Variants in NINL observed in about 807,000 individuals in gnomAD.
The protein encoded by NINL is ninein like.
Under a neutral mutation model 160.3 loss-of-function variants are expected in NINL, and 153 were observed. The ratio of observed to expected loss-of-function variants is 0.95; its 90% CI spans 0.84 to 1.09. The LOEUF (loss-of-function observed/expected upper bound fraction) is 1.09, where lower values mean the gene tolerates loss of function less well. Ranked by LOEUF, NINL falls within the 50% of genes least tolerant of loss-of-function variation. The pLI, the probability that NINL is intolerant of heterozygous loss-of-function variation, is 0.00. For synonymous variants in NINL, 800 were observed against 734.8 expected, an observed-to-expected ratio of 1.09 and a Z score of -1.43; for missense variants, 1,829 against 1,764.0, an observed-to-expected ratio of 1.04 and a Z score of -0.66.
At chr20:25,529,535 G>T (rs1227626747) in intron 1 of NINL, among the ~76,000 whole-genome samples, 1 of 152,180 alleles carries the variant, frequency 6.6e-6, no homozygotes, top group African/African-American at 2.4e-5. Context: ...TTCAGACAGG[G>T]CGAAGACGAG....
intron 14 of NINL, chr20:25,481,743 C>T (rs1204311283): frequency 3.2e-6 from 2 of 624,262 alleles, no homozygotes; most frequent in Non-Finnish European, 5.5e-6. Context: ...GGGCTGCCCA[C>T]CTTCAGCGTC....
chr20:25,577,266 G>A (rs1213778650), intron 1 of NINL, among the ~76,000 whole-genome samples: 1 of 152,164 alleles, frequency 6.6e-6, no homozygotes, highest in African/African-American at 2.4e-5. Flanking sequence ...TTTACTCACT[G>A]GTCCACATGG....
At position 25,503,962 on chromosome 20, in the gene NINL, G is replaced by C. The variant is rs1429482807; in HGVS notation, c.851C>G (p.Ser284Cys). The C allele has an allele frequency of 1.9e-6, 3 of 1,614,040 alleles. No homozygotes were observed. Among genetic ancestry groups the C allele is most frequent in the East Asian group, 2.2e-5 (1 of 44,900 alleles). ...STRVKPSKAWSHYQVPEESGC... is the reference protein window; with the variant it reads ...STRVKPSKAWCHYQVPEESGC... ...ACTGTTGCATTTTACCTGGTAATGA[G>C]ACCAAGCCTTGCTCGGTTTAACCCG... Residue 284 changes from serine to cysteine, a missense_variant, in exon 7 of 24, where the codon TCT becomes TGT. Coordinates refer to ENST00000278886, the MANE Select transcript of NINL (RefSeq NM_025176.6).
At position 25,476,603 on chromosome 20, in the gene NINL, G is replaced by A. The variant is rs747510696; in HGVS notation, c.2688C>T (p.Ala896=). ...EATQSPAPAP[A]PASHGPSERW... ...TCTCTGAGGGGCCGTGGGATGCCGG[G>A]GCAGGGGCGGGGGCCGGGCTCTGCG... Residue 896 remains alanine (A), a synonymous_variant, in exon 17 of 24, where the codon GCC becomes GCT. Transcript: ENST00000278886. 3 of 1,597,258 alleles carry A rather than the reference G, an allele frequency of 1.9e-6. No homozygotes were observed. The highest frequency in any genetic ancestry group is 2.2e-5 in the East Asian group (1 of 44,766).
chr20:25,537,970 T>C lies in NINL; in HGVS notation c.-11-11372A>G, dbSNP rs187443655. Among the ~76,000 whole-genome samples, 5 of 152,268 alleles carry C rather than the reference T, an allele frequency of 3.3e-5. No homozygotes were observed. The East Asian group carries it at 9.7e-4, about 29-fold the overall frequency. On this transcript the variant is annotated intron_variant, in intron 1 of 23. Coordinates refer to ENST00000278886, the MANE Select transcript of NINL (RefSeq NM_025176.6). ...CCCGCTTTCTCAGGGACCCAGCCTC[T>C]ACCCACCCCAGCGGTATCCACGGGA...
intron 17 of NINL, among the ~76,000 whole-genome samples, chr20:25,475,389 A>G (rs1286441178): frequency 6.6e-6 from 1 of 152,224 alleles, no homozygotes; most frequent in East Asian, 1.9e-4. Context: ...AGAAGGGAAC[A>G]CTTCCAAACT....
At chr20:25,549,618 A>G (rs372244165) in intron 1 of NINL, among the ~76,000 whole-genome samples, 110 of 152,348 alleles carry the variant, frequency 7.2e-4, no homozygotes, top group African/African-American at 2.3e-3. Flanking sequence ...TCCAAACAAA[A>G]GCTGGCAGCT....
At chr20:25,525,723 A>G (rs1164637118) in intron 2 of NINL, among the ~76,000 whole-genome samples, 4 of 152,190 alleles carry the variant, frequency 2.6e-5, no homozygotes, top group East Asian at 1.9e-4. Flanking sequence ...AAGATGACCA[A>G]CAAGATAAGG....
At chr20:25,535,982 T>C (rs937847427) in intron 1 of NINL, among the ~76,000 whole-genome samples, 2 of 152,090 alleles carry the variant, frequency 1.3e-5, no homozygotes, top group Non-Finnish European at 2.9e-5. Context: ...AGCACACCCT[T>C]GTGAACTTCA....
At chr20:25,550,145 C>G (rs117932602) in intron 1 of NINL, among the ~76,000 whole-genome samples, 1,860 of 152,322 alleles carry the variant, frequency 0.012, 16 homozygotes, top group Middle Eastern at 0.02. Context: ...CTTTGGGAAG[C>G]TGCTGTAGGA....
chr20:25,585,505 A>G lies in NINL; in HGVS notation c.-62T>C, dbSNP rs994162033. 6.6e-6 allele frequency: 1 copy of G among 151,934 alleles called. No individual in the cohort carries two copies. The highest frequency in any genetic ancestry group is 1.5e-5 in the Non-Finnish European group (1 of 67,968). The allele number at this position is 151,934 out of a possible 1,614,324, so 9.4% of individuals were successfully genotyped here. On this transcript the variant is annotated 5_prime_UTR_variant, in exon 1 of 24. Coordinates refer to ENST00000278886, the MANE Select transcript of NINL (RefSeq NM_025176.6). ...CGCGCGGGGCCAGGAGCGCGGCACCACCCCCGTACCGCCGGCCGCTCTTTG... is the reference window on the plus strand; with the variant it reads ...CGCGCGGGGCCAGGAGCGCGGCACCGCCCCCGTACCGCCGGCCGCTCTTTG...
chr20:25,497,245 C>T (rs1157274416), intron 9 of NINL, among the ~76,000 whole-genome samples: 1 of 152,254 alleles, frequency 6.6e-6, no homozygotes, highest in Non-Finnish European at 1.5e-5. Flanking sequence ...CTAGTGAGCA[C>T]ACAGTGAGTC....
At chr20:25,560,687 A>C (rs1011364346) in intron 1 of NINL, among the ~76,000 whole-genome samples, 28 of 152,146 alleles carry the variant, frequency 1.8e-4, no homozygotes, top group African/African-American at 6.8e-4. Flanking sequence ...TCTCTCATGG[A>C]GTTTAATGTC....
At chr20:25,485,594 A>G (rs867380178) in intron 13 of NINL, among the ~76,000 whole-genome samples, 15 of 152,314 alleles carry the variant, frequency 9.8e-5, no homozygotes, top group Middle Eastern at 3.4e-3. Flanking sequence ...TTATGTATTC[A>G]TATTTGGAGA....
At chr20:25,462,602 T>C (rs945539709) in intron 19 of NINL, 61 bp from the exon 20 acceptor site, 2 of 1,400,084 alleles carry the variant, frequency 1.4e-6, no homozygotes, top group African/African-American at 1.5e-5. Flanking sequence ...ATGTTATATA[T>C]ACATTTGCCC....
At position 25,455,850 on chromosome 20, in the gene NINL, T is replaced by C. The variant is rs890747788; in HGVS notation, c.3844-64A>G. ...GCTCACGCCTCTAATCCCAGCACTT[T>C]GGGAGGCCGAGGCGGGCGGATCACC... is the stretch of plus-strand genomic sequence containing the variant. On this transcript the variant is annotated intron_variant, in intron 22 of 23. Coordinates refer to ENST00000278886, the MANE Select transcript of NINL (RefSeq NM_025176.6). 3.6e-6 allele frequency: 5 copies of C among 1,373,796 alleles called. No individual in the cohort carries two copies. The African/African-American group carries it at 4.3e-5, about 12-fold the overall frequency. 85.1% of individuals were successfully genotyped at this position (1,373,796 alleles called of 1,614,324 possible).
rs1156404154 is a variant in NINL at position 25,477,105 on chromosome 20, C to G, written c.2202-16G>C. 1.3e-6 allele frequency: 2 copies of G among 1,575,982 alleles called. No homozygotes were observed. The highest frequency in any genetic ancestry group is 1.7e-6 in the Non-Finnish European group (2 of 1,168,864). ...AGCCTCTCTCCTGTGGAAGTAGAAC[C>G]GTCACACACCACAGCCCTGCCGCCC... On this transcript the variant is annotated splice_polypyrimidine_tract_variant and intron_variant, in intron 16 of 23. Transcript: ENST00000278886.
At chr20:25,564,197 T>C (rs1262253093) in intron 1 of NINL, among the ~76,000 whole-genome samples, 1 of 150,982 alleles carries the variant, frequency 6.6e-6, no homozygotes, top group Non-Finnish European at 1.5e-5. Context: ...TCACCCAGGC[T>C]GGAGTGCAGT....
intron 1 of NINL, among the ~76,000 whole-genome samples, chr20:25,573,859 G>A (rs1216713130): frequency 6.6e-6 from 1 of 152,200 alleles, no homozygotes; most frequent in African/African-American, 2.4e-5. Flanking sequence ...CAACATGGCG[G>A]TGACTAGGGA....
Sources: allele counts gnomAD v4.1 joint callset (sites outside exome capture counted in the v4.1 genomes callset), GRCh38; gene constraint gnomAD v4.1.1; transcripts MANE v1.5; gene names NCBI Gene and HGNC (gene_info 2026-07-23, HGNC 2026-07-21).